Variants in HS3ST3A1 observed in about 807,000 individuals in gnomAD.
HS3ST3A1 encodes heparan sulfate-glucosamine 3-sulfotransferase 3A1.
In HS3ST3A1, 19 loss-of-function variants were observed where a neutral mutation model predicts 25.7. The observed-to-expected ratio is 0.74, with a 90% CI of 0.52 to 1.08. The LOEUF (loss-of-function observed/expected upper bound fraction) is 1.08. Ranked by LOEUF, HS3ST3A1 falls within the 50% of genes least tolerant of loss-of-function variation. The pLI, the probability that HS3ST3A1 is intolerant of heterozygous loss-of-function variation, is 0.00. For missense variants in HS3ST3A1, 459 were observed against 594.3 expected (o/e 0.77, Z 2.37); for synonymous variants, 226 against 278.6 (o/e 0.81, Z 1.88).
intron 1 of HS3ST3A1, among the ~76,000 whole-genome samples, chr17:13,509,812 C>A (rs1249291655): frequency 6.6e-6 from 1 of 152,188 alleles, no homozygotes; most frequent in Non-Finnish European, 1.5e-5. Flanking sequence ...AGGGGCTTGT[C>A]CTAAGTCATT....
At chr17:13,560,095 G>A (rs1305934333) in intron 1 of HS3ST3A1, among the ~76,000 whole-genome samples, 2 of 151,502 alleles carry the variant, frequency 1.3e-5, no homozygotes, top group East Asian at 3.9e-4. Context: ...TTCAAGACCA[G>A]CCTGGCCAAC....
chr17:13,590,208 A>G (rs1440649555), intron 1 of HS3ST3A1, among the ~76,000 whole-genome samples: 1 of 152,136 alleles, frequency 6.6e-6, no homozygotes, highest in Non-Finnish European at 1.5e-5. Flanking sequence ...ATGGGTTACC[A>G]TACCTGTAAG....
intron 1 of HS3ST3A1, among the ~76,000 whole-genome samples, chr17:13,588,840 C>T (rs568953528): frequency 4.6e-5 from 7 of 152,266 alleles, no homozygotes; most frequent in South Asian, 4.2e-4. Flanking sequence ...CCCACCACCA[C>T]GCCCAGCTAA....
chr17:13,549,034 C>G (rs1907170938), intron 1 of HS3ST3A1, among the ~76,000 whole-genome samples: 1 of 152,224 alleles, frequency 6.6e-6, no homozygotes, highest in South Asian at 2.1e-4. Flanking sequence ...ACTGTGGAAG[C>G]TTTGTTCTTT....
chr17:13,582,256 A>G (rs772007072), intron 1 of HS3ST3A1, among the ~76,000 whole-genome samples: 2 of 152,212 alleles, frequency 1.3e-5, no homozygotes, highest in Non-Finnish European at 2.9e-5. Context: ...TTCAAGGAAA[A>G]TGATTTTGCC....
intron 1 of HS3ST3A1, among the ~76,000 whole-genome samples, chr17:13,502,236 C>A (rs1362477167): frequency 6.6e-6 from 1 of 152,066 alleles, no homozygotes; most frequent in African/African-American, 2.4e-5. Flanking sequence ...CTGTTTTCTA[C>A]CCCAGCCTTC....
At chr17:13,515,471 GTT>G (rs33924561) in intron 1 of HS3ST3A1, among the ~76,000 whole-genome samples, 11 of 107,746 alleles carry the variant, frequency 1.0e-4, no homozygotes, top group African/African-American at 1.8e-4. Context: ...GTTTGTTTCA[GTT>G]TTTTTTTTTT....
chr17:13,567,980 TA>T (rs1907715859), intron 1 of HS3ST3A1, among the ~76,000 whole-genome samples: 1 of 152,210 alleles, frequency 6.6e-6, no homozygotes, highest in Non-Finnish European at 1.5e-5. Context: ...GGTAAAATGC[TA>T]TCAAACAGCA....
At chr17:13,585,241 C>G (rs1419672933) in intron 1 of HS3ST3A1, among the ~76,000 whole-genome samples, 14 of 121,946 alleles carry the variant, frequency 1.1e-4, no homozygotes. Flanking sequence ...GCTCTGTCGC[C>G]CAGGCTGGAG....
At chr17:13,578,321 G>A (rs901189416) in intron 1 of HS3ST3A1, among the ~76,000 whole-genome samples, 5 of 150,892 alleles carry the variant, frequency 3.3e-5, no homozygotes, top group African/African-American at 7.3e-5. Context: ...GCCGAGGTGG[G>A]CGGATCACCT....
At chr17:13,552,647 G>C (rs1907275360) in intron 1 of HS3ST3A1, among the ~76,000 whole-genome samples, 1 of 152,136 alleles carries the variant, frequency 6.6e-6, no homozygotes, top group South Asian at 2.1e-4. Flanking sequence ...CCAGAACTCT[G>C]CCTACTGGTT....
rs1156787600 is a variant in HS3ST3A1, at chr17:13,574,768, C to A, written c.599+25763G>T. Among the ~76,000 whole-genome samples, 274 of 45,746 alleles carry A rather than the reference C, an allele frequency of 6.0e-3. 1 individual carries two copies. Among genetic ancestry groups the A allele is most frequent in the African/African-American group, 0.022 (254 of 11,580 alleles). 30.0% of individuals were successfully genotyped at this position (45,746 alleles called of 152,430 possible). A position where few individuals can be genotyped will look rare whatever the true frequency, so the allele number is the denominator to read the frequency against. ...CACACACACACACACACAAAAAACA[C>A]ACAAAAAAAATGAAGGGCATGTCTC... On this transcript the variant is annotated intron_variant, in intron 1 of 1. Coordinates refer to ENST00000284110, the MANE Select transcript of HS3ST3A1 (RefSeq NM_006042.3).
chr17:13,543,832 C>A (rs1226336669), intron 1 of HS3ST3A1, among the ~76,000 whole-genome samples: 1 of 152,106 alleles, frequency 6.6e-6, no homozygotes. Context: ...GATCTGGATT[C>A]CGAAGCATCA....
intron 1 of HS3ST3A1, among the ~76,000 whole-genome samples, chr17:13,579,828 G>A (rs1018758696): frequency 2.0e-5 from 3 of 150,206 alleles, no homozygotes; most frequent in Non-Finnish European, 4.4e-5. Context: ...AAAATTAGTG[G>A]GGCCGTGGTG....
At chr17:13,564,787 G>A (rs1159352274) in intron 1 of HS3ST3A1, among the ~76,000 whole-genome samples, 6 of 147,970 alleles carry the variant, frequency 4.1e-5, no homozygotes, top group South Asian at 2.1e-4. Flanking sequence ...GCAGTGGTGC[G>A]ATCGCAGCTC....
At chr17:13,504,925 A>G (rs985399097) in intron 1 of HS3ST3A1, among the ~76,000 whole-genome samples, 10 of 152,352 alleles carry the variant, frequency 6.6e-5, no homozygotes, top group Admixed American at 3.9e-4. Flanking sequence ...ATGTGTTTCA[A>G]GAGTGTGAAC....
At chr17:13,530,761 T>C (rs1432371048) in intron 1 of HS3ST3A1, among the ~76,000 whole-genome samples, 1 of 152,186 alleles carries the variant, frequency 6.6e-6, no homozygotes, top group African/African-American at 2.4e-5. Flanking sequence ...AATACAAGTA[T>C]AAGCAACTCA....
chr17:13,521,257 G>C (rs1906227179), intron 1 of HS3ST3A1, among the ~76,000 whole-genome samples: 1 of 152,216 alleles, frequency 6.6e-6, no homozygotes, highest in African/African-American at 2.4e-5. Flanking sequence ...AACTGCTTGA[G>C]CTTCCCTGCC....
At chr17:13,585,186 C>CTTTATTTT (rs1908219611) in intron 1 of HS3ST3A1, among the ~76,000 whole-genome samples, 1 of 33,234 alleles carries the variant, frequency 3.0e-5, no homozygotes, top group Non-Finnish European at 5.2e-5. Flanking sequence ...TTTTTCTGTG[C>CTTTATTTT]TTTTTTTTTT....
Sources: gnomAD v4.1 joint callset for allele counts (sites outside exome capture counted in the v4.1 genomes callset) on GRCh38, gnomAD v4.1.1 for gene constraint, MANE v1.5 for transcripts, NCBI Gene and HGNC (gene_info 2026-07-23, HGNC 2026-07-21) for gene names.